Variants in ZNF44 observed in about 807,000 individuals in gnomAD.
ZNF44 encodes the protein gonadotropin inducible transcription repressor-2.
ZNF44 carries 9 observed loss-of-function variants against 11.7 expected under a neutral mutation model. That is an observed-to-expected ratio of 0.77 (90% confidence interval 0.46 to 1.35). The LOEUF is 1.35. Ranked by LOEUF, ZNF44 falls within the 40% of genes most tolerant of loss-of-function variation. The pLI, the probability that ZNF44 is intolerant of heterozygous loss-of-function variation, is 0.00. For synonymous variants in ZNF44, 224 were observed against 242.7 expected (o/e 0.92, Z 0.72); for missense variants, 696 against 743.1 (o/e 0.94, Z 0.74).
At chr19:12,241,673 C>A (rs780528446), upstream of ZNF44, among the ~76,000 whole-genome samples, 2 of 152,100 alleles carry the variant, frequency 1.3e-5, no homozygotes, top group Non-Finnish European at 2.9e-5. Flanking sequence ...CCAGCCTGGG[C>A]AACAGAGCGA....
chr19:12,268,324 C>G (rs573014205), downstream of ZNF44, among the ~76,000 whole-genome samples: 3 of 152,268 alleles, frequency 2.0e-5, no homozygotes, highest in Non-Finnish European at 4.4e-5. Context: ...AGGTTAATAT[C>G]CAGTTGTCCC....
At chr19:12,248,142 T>G in exon 8 of ZNF44, 3 of 1,304,378 alleles carry the variant, frequency 2.3e-6, no homozygotes, top group Non-Finnish European at 3.0e-6. Context: ...ATTCCTTTCA[T>G]GTGCTCGAGC....
chr19:12,283,571 C>T (rs540761941), intron 1 of ZNF44, among the ~76,000 whole-genome samples: 11 of 152,124 alleles, frequency 7.2e-5, no homozygotes, highest in East Asian at 3.8e-4. Flanking sequence ...CCTCATGATC[C>T]GCCCTCCTCG....
downstream of ZNF44, among the ~76,000 whole-genome samples, chr19:12,245,449 G>C (rs996335668): frequency 9.2e-5 from 14 of 152,242 alleles, no homozygotes; most frequent in South Asian, 1.2e-3. Flanking sequence ...GATCACATTT[G>C]GCTATAATTG....
chr19:12,248,101 G>A, exon 8 of ZNF44: 1 of 1,309,512 alleles, frequency 7.6e-7, no homozygotes, highest in Non-Finnish European at 1.0e-6. Flanking sequence ...TTTCCACATT[G>A]TTTACATTCA....
At chr19:12,274,874 A>T in intron 3 of ZNF44, 99 bp downstream of exon 3, 1 of 794,398 alleles carries the variant, frequency 1.3e-6, no homozygotes, top group Non-Finnish European at 1.9e-6. Flanking sequence ...AAATAAATTT[A>T]AGCTGGGCTT....
chr19:12,251,780 G>A lies in ZNF44; in HGVS notation c.1913-1412C>T, dbSNP rs148406051. ...GATTTGCAGTTTACAGGCCAGGCGC[G>A]TTGGCTCACGCCTGTAATCCCAGCA... is the stretch of plus-strand genomic sequence containing the variant. On this transcript the variant is annotated intron_variant and NMD_transcript_variant, in intron 5 of 7. Transcript: ENST00000393337. 1.7e-3 allele frequency among the ~76,000 whole-genome samples: 253 copies of A among 152,156 alleles called. 2 individuals are homozygous for A. Among genetic ancestry groups the A allele is most frequent in the African/African-American group, 5.8e-3 (239 of 41,536 alleles).
intron 1 of ZNF44, among the ~76,000 whole-genome samples, chr19:12,291,943 G>C (rs1968023435): frequency 7.0e-6 from 1 of 143,578 alleles, no homozygotes; most frequent in Admixed American, 7.0e-5. Flanking sequence ...AGTGAACCAA[G>C]ATAGTACCAT....
At chr19:12,293,225 C>A in intron 1 of ZNF44, 1 of 1,535,844 alleles carries the variant, frequency 6.5e-7, no homozygotes, top group East Asian at 2.4e-5. Flanking sequence ...CACCCCAGTG[C>A]ATCCACCTGA....
At chr19:12,248,896 C>CTTTTTTT (rs372194020) in intron 7 of ZNF44, among the ~76,000 whole-genome samples, 1 of 138,644 alleles carries the variant, frequency 7.2e-6, no homozygotes, top group African/African-American at 2.6e-5. Flanking sequence ...ATGGGTTTCT[C>CTTTTTTT]TTTTTTTTTT....
chr19:12,259,551 C>T (rs879590787), intron 5 of ZNF44, among the ~76,000 whole-genome samples: 3 of 151,998 alleles, frequency 2.0e-5, no homozygotes, highest in Non-Finnish European at 4.4e-5. Context: ...TTATTTTGTT[C>T]CTTCCCTTCC....
intron 2 of ZNF44, 128 bp downstream of exon 2, chr19:12,275,828 G>C: frequency 8.1e-7 from 1 of 1,230,422 alleles, no homozygotes; most frequent in South Asian, 1.5e-5. Flanking sequence ...TTGGGGCCTG[G>C]CACTTCACCC....
At position 12,258,160 on chromosome 19, in the gene ZNF44, CAAAAAAAAAA is replaced by C. The variant is rs770370872; in HGVS notation, c.1913-7802_1913-7793del. On this transcript the variant is annotated intron_variant and NMD_transcript_variant, in intron 5 of 7. Transcript: ENST00000393337. ...ACAACATAGTGAGATCTCATCTCTA[CAAAAAAAAAA>C]AAAAAAAAAAAAAAATTAGCTGAGC... Among the ~76,000 whole-genome samples, 16 of 55,900 alleles carry C rather than the reference CAAAAAAAAAA, an allele frequency of 2.9e-4. No individual in the cohort carries two copies. The East Asian group carries it at 8.3e-3, about 29-fold the overall frequency. 36.7% of individuals were successfully genotyped at this position (55,900 alleles called of 152,430 possible). A position where few individuals can be genotyped will look rare whatever the true frequency, so the allele number is the denominator to read the frequency against.
chr19:12,227,843 T>TATGA (rs1363494224), intron 3 of ZNF44, among the ~76,000 whole-genome samples: 2 of 152,250 alleles, frequency 1.3e-5, no homozygotes, highest in Non-Finnish European at 2.9e-5. Flanking sequence ...ATGCTTCCTG[T>TATGA]ATGATTTTAT....
At chr19:12,248,740 A>C in intron 7 of ZNF44, 1 of 973,456 alleles carries the variant, frequency 1.0e-6, no homozygotes, top group Non-Finnish European at 1.3e-6. Flanking sequence ...TTATTAACTG[A>C]TACTAGAATA....
chr19:12,285,685 C>A (rs1352602905), intron 1 of ZNF44, among the ~76,000 whole-genome samples: 1 of 152,016 alleles, frequency 6.6e-6, no homozygotes, highest in African/African-American at 2.4e-5. Flanking sequence ...GAGACAAAAC[C>A]AAAAATAACA....
chr19:12,262,851 G>A (rs1008277937), intron 5 of ZNF44, among the ~76,000 whole-genome samples: 5 of 152,098 alleles, frequency 3.3e-5, no homozygotes, highest in Non-Finnish European at 7.4e-5. Context: ...AACTACAGTT[G>A]AAGCACCACA....
chr19:12,261,194 T>C (rs1917492318), intron 5 of ZNF44, among the ~76,000 whole-genome samples: 1 of 152,204 alleles, frequency 6.6e-6, no homozygotes, highest in African/African-American at 2.4e-5. Context: ...GTTATGTGGT[T>C]TGAGTCTCCT....
At chr19:12,236,911 A>T (rs1275368561) in intron 1 of ZNF44, among the ~76,000 whole-genome samples, 1 of 152,188 alleles carries the variant, frequency 6.6e-6, no homozygotes, top group African/African-American at 2.4e-5. Context: ...TGACAGACCA[A>T]ATAAGGCGAC....
Sources: allele counts gnomAD v4.1 joint callset (sites outside exome capture counted in the v4.1 genomes callset), GRCh38; gene constraint gnomAD v4.1.1; transcripts MANE v1.5; gene names NCBI Gene and HGNC (gene_info 2026-07-23, HGNC 2026-07-21).